GRID1: variants seen among roughly 807,000 people sequenced by gnomAD.
The protein encoded by GRID1 is glutamate ionotropic receptor delta type subunit 1, also known as glutamate receptor ionotropic, delta-1.
GRID1 carries 28 observed loss-of-function variants against 98.0 expected under a neutral mutation model. The ratio of observed to expected loss-of-function variants is 0.29; its 90% CI spans 0.21 to 0.39. The LOEUF (loss-of-function observed/expected upper bound fraction) is 0.39, where lower values mean the gene tolerates loss of function less well. GRID1 is among the 10% of genes least tolerant of loss of function. The pLI, the probability that GRID1 is intolerant of heterozygous loss-of-function variation, is 1.00. For synonymous variants in GRID1, 553 were observed against 538.5 expected (o/e 1.03, Z -0.37); for missense variants, 1,111 against 1,340.5 (o/e 0.83, Z 2.67).
At chr10:85,647,712 G>A in intron 12 of GRID1, 1 of 276,870 alleles carries the variant, frequency 3.6e-6, no homozygotes, top group Non-Finnish European at 7.0e-6. Context: ...GGAGTTTATA[G>A]TCCAGCTATA....
chr10:86,116,854 T>C (rs955856092), intron 4 of GRID1, among the ~76,000 whole-genome samples: 5 of 152,008 alleles, frequency 3.3e-5, no homozygotes, highest in African/African-American at 9.7e-5. Context: ...ACCAAATAAA[T>C]TGTCCCTTAG....
intron 3 of GRID1, among the ~76,000 whole-genome samples, chr10:86,153,627 G>A (rs1046493758): frequency 6.6e-6 from 1 of 152,170 alleles, no homozygotes; most frequent in African/African-American, 2.4e-5. Context: ...AGCTCTGCAA[G>A]AACAGCATGG....
At chr10:86,341,093 G>A (rs1848303773) in intron 2 of GRID1, among the ~76,000 whole-genome samples, 1 of 152,096 alleles carries the variant, frequency 6.6e-6, no homozygotes, top group South Asian at 2.1e-4. Flanking sequence ...CTCCTCCTGG[G>A]CACTTGTCCT....
chr10:86,199,701 G>A (rs975769942), intron 3 of GRID1, among the ~76,000 whole-genome samples: 12 of 152,132 alleles, frequency 7.9e-5, no homozygotes, highest in African/African-American at 1.9e-4. Flanking sequence ...CTGGCATGAC[G>A]CCTGGGTCAT....
intron 4 of GRID1, among the ~76,000 whole-genome samples, chr10:86,044,001 AAAGT>A (rs1323615986): frequency 1.3e-5 from 2 of 152,224 alleles, no homozygotes; most frequent in Non-Finnish European, 2.9e-5. Context: ...CAATAGTAAG[AAAGT>A]GAGTTACAGA....
chr10:86,108,055 C>T (rs1844419627), intron 4 of GRID1, among the ~76,000 whole-genome samples: 1 of 152,128 alleles, frequency 6.6e-6, no homozygotes, highest in African/African-American at 2.4e-5. Context: ...TAACACAAGC[C>T]GCCTACAGAC....
At chr10:85,769,369 TC>T (rs1468934492) in intron 8 of GRID1, among the ~76,000 whole-genome samples, 1 of 152,132 alleles carries the variant, frequency 6.6e-6, no homozygotes, top group East Asian at 1.9e-4. Context: ...TAGGAACAGC[TC>T]CGGTCTACAG....
intron 4 of GRID1, among the ~76,000 whole-genome samples, chr10:86,130,342 C>A (rs1162138587): frequency 1.3e-5 from 2 of 152,182 alleles, no homozygotes; most frequent in Admixed American, 1.3e-4. Flanking sequence ...GGGAAGTTCC[C>A]CAGCAAAGGC....
At chr10:86,274,849 A>T (rs1035484762) in intron 2 of GRID1, among the ~76,000 whole-genome samples, 1 of 151,636 alleles carries the variant, frequency 6.6e-6, no homozygotes. Flanking sequence ...CAATCATGTC[A>T]TCTGCAAACA....
At chr10:86,273,900 G>A (rs1847226442) in intron 2 of GRID1, among the ~76,000 whole-genome samples, 1 of 151,772 alleles carries the variant, frequency 6.6e-6, no homozygotes, top group Admixed American at 6.6e-5. Flanking sequence ...TTGCTGTGCA[G>A]AAGCTCTTTA....
chr10:85,891,756 G>A (rs952798067), intron 5 of GRID1, among the ~76,000 whole-genome samples: 1 of 152,132 alleles, frequency 6.6e-6, no homozygotes, highest in Non-Finnish European at 1.5e-5. Context: ...CAAGGAGGGA[G>A]AAAGTCTTTA....
At chr10:86,143,736 C>G (rs1358972899) in intron 3 of GRID1, among the ~76,000 whole-genome samples, 1 of 152,226 alleles carries the variant, frequency 6.6e-6, no homozygotes, top group Non-Finnish European at 1.5e-5. Flanking sequence ...GGTCTCCAGG[C>G]ACCCAGGAGA....
chr10:85,624,185 C>A (rs913650679), intron 13 of GRID1, among the ~76,000 whole-genome samples: 3 of 152,080 alleles, frequency 2.0e-5, no homozygotes, highest in Non-Finnish European at 4.4e-5. Context: ...TCTCATAATG[C>A]CTAAAAGATA....
intron 3 of GRID1, among the ~76,000 whole-genome samples, chr10:86,158,338 T>C (rs1336798970): frequency 6.6e-6 from 1 of 152,200 alleles, no homozygotes; most frequent in African/African-American, 2.4e-5. Context: ...AGGGCTATTG[T>C]GAGAATTAAA....
At chr10:85,904,775 C>T (rs1287299917) in intron 5 of GRID1, among the ~76,000 whole-genome samples, 1 of 148,606 alleles carries the variant, frequency 6.7e-6, no homozygotes, top group Non-Finnish European at 1.5e-5. Context: ...CAAAATATCA[C>T]TGAATCTGAA....
At chr10:86,205,111 T>A (rs2132018320) in intron 3 of GRID1, among the ~76,000 whole-genome samples, 1 of 152,352 alleles carries the variant, frequency 6.6e-6, no homozygotes, top group South Asian at 2.1e-4. Flanking sequence ...CAATTCTTCC[T>A]GGAAGACTCC....
intron 4 of GRID1, among the ~76,000 whole-genome samples, chr10:86,007,344 T>TTCCA (rs1224569056): frequency 3.9e-5 from 6 of 152,034 alleles, no homozygotes; most frequent in Non-Finnish European, 7.4e-5. Context: ...GGTTCTTGAG[T>TTCCA]TCCAAGTCTG....
chr10:85,815,007 C>T (rs1167334209), intron 8 of GRID1, among the ~76,000 whole-genome samples: 1 of 151,978 alleles, frequency 6.6e-6, no homozygotes, highest in Non-Finnish European at 1.5e-5. Context: ...CAGCAAAATA[C>T]CAGCAAACTG....
chr10:85,864,870 AG>A (rs1843200172), intron 6 of GRID1, among the ~76,000 whole-genome samples: 1 of 152,114 alleles, frequency 6.6e-6, no homozygotes, highest in East Asian at 1.9e-4. Context: ...AGCTTAATTC[AG>A]GGATCCGGCT....
Sources: gnomAD v4.1 joint callset for allele counts (sites outside exome capture counted in the v4.1 genomes callset) on GRCh38, gnomAD v4.1.1 for gene constraint, MANE v1.5 for transcripts, NCBI Gene and HGNC (gene_info 2026-07-23, HGNC 2026-07-21) for gene names.